Variants in DMRT2 observed in about 807,000 individuals in gnomAD.
DMRT2 encodes the protein doublesex and mab-3 related transcription factor 2.
A neutral mutation model predicts 43.5 loss-of-function variants in DMRT2; 33 were observed. The observed-to-expected ratio is 0.76, with a 90% CI of 0.58 to 1.01. The LOEUF (loss-of-function observed/expected upper bound fraction) is 1.01, where lower values mean the gene tolerates loss of function less well. Among genes scored for constraint, DMRT2 ranks in the 50% least tolerant of loss-of-function variants. DMRT2 has a pLI of 0.00. For missense variants in DMRT2, 1,064 were observed against 748.0 expected (o/e 1.42, Z -4.93); for synonymous variants, 395 against 309.2 (o/e 1.28, Z -2.91).
At chr9:1,056,187 C>G (rs1303543763) in intron 3 of DMRT2, 29 bp from the exon 4 acceptor site, 7 of 1,570,336 alleles carry the variant, frequency 4.5e-6, no homozygotes, top group Middle Eastern at 3.6e-4. Flanking sequence ...ATGTTAATCT[C>G]TTTCATGTGC....
At chr9:1,055,587 T>C (rs764133778) in intron 3 of DMRT2, 38 of 762,120 alleles carry the variant, frequency 5.0e-5, no homozygotes, top group Non-Finnish European at 6.6e-5. Flanking sequence ...CCTGGTTAAA[T>C]TGTTCACTGT....
At chr9:1,052,602 T>C (rs1408931870) in intron 2 of DMRT2, among the ~76,000 whole-genome samples, 1 of 151,782 alleles carries the variant, frequency 6.6e-6, no homozygotes. Context: ...CACCTGGACG[T>C]TTGAGATATC....
Position 1,057,312 on chromosome 9 carries a change from T to TA in DMRT2, c.*40dup. On this transcript the variant is annotated 3_prime_UTR_variant, in exon 4 of 4. Coordinates refer to ENST00000358146, the MANE Select transcript of DMRT2 (RefSeq NM_181872.6). ...CAGAAAGCTGGATTTTCTGCAGTCT[T>TA]AGAGCATTATAGCCATTTGCTACTT... 1 of 1,542,872 alleles carries TA rather than the reference T, an allele frequency of 6.5e-7. No homozygotes were observed. Among genetic ancestry groups the TA allele is most frequent in the South Asian group, 1.2e-5 (1 of 80,228 alleles).
chr9:1,052,019 A>G lies in DMRT2; in HGVS notation c.406A>G (p.Lys136Glu). 1 of 1,473,226 alleles carries G rather than the reference A, an allele frequency of 6.8e-7. No homozygotes were observed. The highest frequency in any genetic ancestry group is 8.9e-7 in the Non-Finnish European group (1 of 1,118,854). The allele number at this position is 1,473,226 out of a possible 1,614,324, so 91.3% of individuals were successfully genotyped here. The change falls in exon 2 of 4, where the codon AAG becomes GAG. Residue 136 changes from lysine to glutamate, a missense_variant. Transcript: ENST00000358146. ...CAACCACGGCGTGGTGTCCTGCCTG[A>G]AGGGCCACAAGCGCTTCTGTCGCTG... ...CRNHGVVSCLKGHKRFCRWRD... is the reference protein window; with the variant it reads ...CRNHGVVSCLEGHKRFCRWRD...
rs769386836 is a variant in DMRT2, at chr9:1,057,067, G to C, written c.1480G>C (p.Glu494Gln). The stretch of plus-strand genomic sequence containing the variant: ...TGAGTTGAAAACACCATTTGTCAAA[G>C]AGGCCTTTGAAGAGACCCCTAAGAA... Reference protein sequence around the residue: ...GPELKTPFVKEAFEETPKKHR... With the variant: ...GPELKTPFVKQAFEETPKKHR... The change falls in exon 4 of 4, where the codon GAG becomes CAG. Residue 494 changes from glutamate (E) to glutamine (Q), a missense_variant. Physicochemically the swap from Glu to Gln is conservative, Grantham distance 29. Transcript: ENST00000358146. The C allele has an allele frequency of 6.2e-7, 1 of 1,614,064 alleles. No homozygotes were observed. The highest frequency in any genetic ancestry group is 1.1e-5 in the South Asian group (1 of 91,084).
chr9:1,053,067 G>C (rs1447033016), intron 2 of DMRT2: 1 of 152,258 alleles, frequency 6.6e-6, no homozygotes, highest in Non-Finnish European at 1.5e-5. Flanking sequence ...ATGGGTCATC[G>C]CCTGCCCTGC....
In DMRT2 at chr9:1,052,143, G is replaced by C. The variant is rs1258710124; in HGVS notation, c.525+5G>C. ...CGGAGGCAGCAGGCCACCGAGGTGC[G>C]TACCCGCCCGGCCCGGGCGTCTCAG... On this transcript the variant is annotated splice_donor_5th_base_variant and intron_variant, in intron 2 of 3. Transcript: ENST00000358146. The C allele has an allele frequency of 7.2e-7, 1 of 1,380,548 alleles. No individual in the cohort carries two copies. The highest frequency in any genetic ancestry group is 9.3e-7 in the Non-Finnish European group (1 of 1,073,410). 85.5% of individuals were successfully genotyped at this position (1,380,548 alleles called of 1,614,324 possible).
chr9:1,051,772 C>T lies in DMRT2; in HGVS notation c.159C>T (p.Asp53=). The T allele has an allele frequency of 1.3e-6, 2 of 1,518,620 alleles. No individual in the cohort carries two copies. Among genetic ancestry groups the T allele is most frequent in the Non-Finnish European group, 8.8e-7 (1 of 1,136,052 alleles). The allele number at this position is 1,518,620 out of a possible 1,614,324, so 94.1% of individuals were successfully genotyped here. A position where few individuals can be genotyped will look rare whatever the true frequency, so the allele number is the denominator to read the frequency against. ...DGDCEDDEDD[D]GVDEDAEEEG... Reference sequence around the variant, plus strand: ...ACTGCGAGGACGACGAAGATGACGACGGGGTGGACGAAGACGCGGAAGAAG... The same window carrying T: ...ACTGCGAGGACGACGAAGATGACGATGGGGTGGACGAAGACGCGGAAGAAG... Residue 53 remains aspartate, a synonymous_variant, in exon 2 of 4, where the codon GAC becomes GAT. Transcript: ENST00000358146. The surrounding 1 kb of genome is among the most constrained non-coding windows in gnomAD (Gnocchi z 5.9).
At chr9:1,050,996 A>G (rs1821530279) in intron 1 of DMRT2, among the ~76,000 whole-genome samples, 1 of 152,054 alleles carries the variant, frequency 6.6e-6, no homozygotes, top group Non-Finnish European at 1.5e-5. Flanking sequence ...TGACAACAAA[A>G]TTTTGGTTTT....
chr9:1,056,200 T>G lies in DMRT2; in HGVS notation c.629-16T>G. 6 of 1,582,310 alleles carry G rather than the reference T, an allele frequency of 3.8e-6. No individual in the cohort carries two copies. The highest frequency in any genetic ancestry group is 5.1e-6 in the Non-Finnish European group (6 of 1,168,682). ...AGATGTTAATCTCTTTCATGTGCAA[T>G]CTTTGCTTCTTGTAGGCTATCGCCC... On this transcript the variant is annotated splice_polypyrimidine_tract_variant and intron_variant, in intron 3 of 3. Coordinates refer to ENST00000358146, the MANE Select transcript of DMRT2 (RefSeq NM_181872.6).
Position 1,057,287 on chromosome 9 carries a change from C to T in DMRT2, c.*14C>T. ...GTCTCTCAGTGAAAGGCTGCTTAAA[C>T]AGAAAGCTGGATTTTCTGCAGTCTT... On this transcript the variant is annotated 3_prime_UTR_variant, in exon 4 of 4. Transcript: ENST00000358146. 1 of 1,591,198 alleles carries T rather than the reference C, an allele frequency of 6.3e-7. No individual in the cohort carries two copies. Among genetic ancestry groups the T allele is most frequent in the Non-Finnish European group, 8.5e-7 (1 of 1,171,170 alleles).
rs565555537 is a variant in DMRT2 at position 1,055,612 on chromosome 9, T to C, written c.629-604T>C. ...TTGTTCACTGTAGAGTGTGTTTGAC[T>C]AGTTAACAGCTCTTTTCAATTTTCT... On this transcript the variant is annotated intron_variant, in intron 3 of 3. Coordinates refer to ENST00000358146, the MANE Select transcript of DMRT2 (RefSeq NM_181872.6). 2.8e-6 allele frequency: 3 copies of C among 1,075,872 alleles called. No individual in the cohort carries two copies. The African/African-American group carries it at 5.0e-5, about 18-fold the overall frequency. The allele number at this position is 1,075,872 out of a possible 1,614,324, so 66.6% of individuals were successfully genotyped here. A position where few individuals can be genotyped will look rare whatever the true frequency, so the allele number is the denominator to read the frequency against.
rs73386585 is a variant in DMRT2, at chr9:1,051,023, G to A, written c.-45+248G>A. Among the ~76,000 whole-genome samples the A allele has an allele frequency of 6.1e-4, 93 of 152,256 alleles. 1 individual carries two copies. The highest frequency in any genetic ancestry group is 2.0e-3 in the African/African-American group (84 of 41,550). The stretch of plus-strand genomic sequence containing the variant: ...TTTGGTTTTCAGTTGAGTATTTTGG[G>A]GAGGGGGGTGAGAGGACCTCTTCAA... On this transcript the variant is annotated intron_variant, in intron 1 of 3. Transcript: ENST00000358146. The surrounding 1 kb of genome is among the most constrained non-coding windows in gnomAD (Gnocchi z 5.9).
Position 1,051,148 on chromosome 9 carries a change from G to A in DMRT2, c.-45+373G>A, listed in dbSNP as rs542397910. Among the ~76,000 whole-genome samples, 4 of 152,230 alleles carry A rather than the reference G, an allele frequency of 2.6e-5. No homozygotes were observed. The highest frequency in any genetic ancestry group is 1.3e-4 in the Admixed American group (2 of 15,298). ...GTCTGAAGGGCCACTTGTAATCAAAGGAAAACTGTTCTTCCACGGATAGTT... is the reference window on the plus strand; with the variant it reads ...GTCTGAAGGGCCACTTGTAATCAAAAGAAAACTGTTCTTCCACGGATAGTT... On this transcript the variant is annotated intron_variant, in intron 1 of 3. Transcript: ENST00000358146. The surrounding 1 kb of genome is among the most constrained non-coding windows in gnomAD (Gnocchi z 5.9).
intron 3 of DMRT2, chr9:1,055,660 C>T: frequency 2.1e-6 from 3 of 1,401,602 alleles, no homozygotes; most frequent in African/African-American, 1.5e-5. Flanking sequence ...TTTCTTAAGC[C>T]TTTTTTTTCT....
chr9:1,054,821 T>G (rs917410380), intron 3 of DMRT2, among the ~76,000 whole-genome samples: 1 of 152,212 alleles, frequency 6.6e-6, no homozygotes, highest in Non-Finnish European at 1.5e-5. Flanking sequence ...ACATTTGGAT[T>G]CTGTTTTTTT....
intron 3 of DMRT2, 90 bp from the exon 4 acceptor site, chr9:1,056,126 G>C: frequency 1.3e-6 from 2 of 1,520,184 alleles, no homozygotes; most frequent in Non-Finnish European, 8.8e-7. Flanking sequence ...TTGTTCTGCT[G>C]ATCTGTAGTG....
rs753842208 is a variant in DMRT2 at position 1,056,499 on chromosome 9, C to T, written c.912C>T (p.Pro304=). 30 of 1,614,074 alleles carry T rather than the reference C, an allele frequency of 1.9e-5. 1 individual carries two copies. In the South Asian group the frequency reaches 3.0e-4, roughly 16 times the overall value. The part of the protein sequence containing the change: ...PPSKDFCNFL[P]TCLDLTMQYS... The stretch of plus-strand genomic sequence containing the variant: ...GCAAGGACTTCTGTAATTTTTTGCC[C>T]ACCTGCCTTGATTTAACCATGCAGT... The change falls in exon 4 of 4, where the codon CCC becomes CCT. Residue 304 remains proline (P), a synonymous_variant. Transcript: ENST00000358146.
chr9:1,056,187 C>T, intron 3 of DMRT2, 29 bp from the exon 4 acceptor site: 1 of 1,570,336 alleles, frequency 6.4e-7, no homozygotes. Flanking sequence ...ATGTTAATCT[C>T]TTTCATGTGC....
Sources: allele counts gnomAD v4.1 joint callset (sites outside exome capture counted in the v4.1 genomes callset), GRCh38; gene constraint gnomAD v4.1.1; non-coding constraint Gnocchi (gnomAD v3.1); transcripts MANE v1.5; gene names NCBI Gene and HGNC (gene_info 2026-07-23, HGNC 2026-07-21).